Variants in PTPRD observed in about 807,000 individuals in gnomAD.
PTPRD encodes receptor-type tyrosine-protein phosphatase delta.
In PTPRD, 34 loss-of-function variants were observed where a neutral mutation model predicts 214.5. The ratio of observed to expected loss-of-function variants is 0.16; its 90% CI spans 0.12 to 0.21. The LOEUF (loss-of-function observed/expected upper bound fraction) is 0.21, where lower values mean the gene tolerates loss of function less well. Ranked by LOEUF, PTPRD falls within the 10% of genes least tolerant of loss-of-function variation. The pLI, the probability that PTPRD is intolerant of heterozygous loss-of-function variation, is 1.00. For synonymous variants in PTPRD, 1,128 were observed against 845.7 expected (o/e 1.33, Z -5.79); for missense variants, 2,545 against 2,398.7 (o/e 1.06, Z -1.27).
intron 30 of PTPRD, among the ~76,000 whole-genome samples, chr9:8,478,583 C>A (rs1591551173): frequency 6.6e-6 from 1 of 152,044 alleles, no homozygotes; most frequent in South Asian, 2.1e-4. Flanking sequence ...ACAGAAGTTC[C>A]CTATGTCATT....
chr9:9,536,803 G>A (rs922893309), intron 8 of PTPRD, among the ~76,000 whole-genome samples: 5 of 151,920 alleles, frequency 3.3e-5, no homozygotes, highest in Non-Finnish European at 5.9e-5. Context: ...CATTTAACTG[G>A]GAATCTGCTG....
At chr9:9,962,455 C>T (rs574506586) in intron 4 of PTPRD, among the ~76,000 whole-genome samples, 1 of 151,964 alleles carries the variant, frequency 6.6e-6, no homozygotes, top group Non-Finnish European at 1.5e-5. Context: ...ACATATTGAA[C>T]CTTATATAAA....
intron 12 of PTPRD, among the ~76,000 whole-genome samples, chr9:8,666,475 G>T (rs181662528): frequency 6.6e-6 from 1 of 152,190 alleles, no homozygotes; most frequent in Non-Finnish European, 1.5e-5. Flanking sequence ...AATGGAATTC[G>T]TATGGCTTCA....
At chr9:8,830,913 G>A (rs1275282802) in intron 11 of PTPRD, among the ~76,000 whole-genome samples, 1 of 152,014 alleles carries the variant, frequency 6.6e-6, no homozygotes, top group Non-Finnish European at 1.5e-5. Context: ...CCATTATAAG[G>A]CTTAATCAGC....
intron 8 of PTPRD, among the ~76,000 whole-genome samples, chr9:9,555,850 C>G (rs1023699102): frequency 3.3e-5 from 5 of 152,020 alleles, no homozygotes; most frequent in African/African-American, 1.2e-4. Context: ...TTAATAAATG[C>G]AAAACTAACG....
chr9:9,049,595 C>T (rs187694515), intron 10 of PTPRD, among the ~76,000 whole-genome samples: 4 of 152,060 alleles, frequency 2.6e-5, no homozygotes, highest in African/African-American at 4.8e-5. Flanking sequence ...TTTAGCAAAA[C>T]GTTCCGATGT....
chr9:8,882,437 T>C (rs1426665139), intron 11 of PTPRD, among the ~76,000 whole-genome samples: 1 of 152,160 alleles, frequency 6.6e-6, no homozygotes, highest in Non-Finnish European at 1.5e-5. Flanking sequence ...CTTCTGATCC[T>C]CACAAAAGTA....
At position 10,284,560 on chromosome 9, in the gene PTPRD, AAAT is replaced by A. The variant is rs1056446974; in HGVS notation, c.-545+56400_-545+56402del. Among the ~76,000 whole-genome samples the A allele has an allele frequency of 8.3e-4, 127 of 152,346 alleles. 1 individual carries two copies. Among genetic ancestry groups the A allele is most frequent in the African/African-American group, 2.8e-3 (116 of 41,594 alleles). On this transcript the variant is annotated intron_variant, in intron 3 of 45. Transcript: ENST00000381196. ...AAATTACTACAAACTTAGCAGCTTA[AAAT>A]AATACTATGTTATTATCTCATAGTT...
chr9:10,388,885 A>G (rs1351660681), intron 2 of PTPRD, among the ~76,000 whole-genome samples: 1 of 151,890 alleles, frequency 6.6e-6, no homozygotes, highest in Non-Finnish European at 1.5e-5. Context: ...TGTTAGCTCT[A>G]ATAATAACCA....
chr9:10,568,267 T>A (rs1215965949), intron 2 of PTPRD, among the ~76,000 whole-genome samples: 2 of 152,150 alleles, frequency 1.3e-5, no homozygotes, highest in African/African-American at 2.4e-5. Context: ...GTTTCCAGCT[T>A]CATCCATGTC....
At chr9:10,064,018 C>T (rs980066266) in intron 3 of PTPRD, among the ~76,000 whole-genome samples, 1 of 151,174 alleles carries the variant, frequency 6.6e-6, no homozygotes, top group Non-Finnish European at 1.5e-5. Flanking sequence ...CATATATTTT[C>T]TGTTTTTTTT....
chr9:10,032,891 T>C (rs1403582356), intron 4 of PTPRD, among the ~76,000 whole-genome samples: 1 of 151,994 alleles, frequency 6.6e-6, no homozygotes, highest in Non-Finnish European at 1.5e-5. Flanking sequence ...ATTTGCATGA[T>C]TTTATAGCAA....
intron 2 of PTPRD, among the ~76,000 whole-genome samples, chr9:10,346,639 G>C (rs2097089141): frequency 6.6e-6 from 1 of 152,050 alleles, no homozygotes; most frequent in Admixed American, 6.5e-5. Flanking sequence ...CCATTCTAAG[G>C]TCAGTGACCT....
At chr9:10,374,676 A>C (rs1010467850) in intron 2 of PTPRD, among the ~76,000 whole-genome samples, 6 of 152,096 alleles carry the variant, frequency 3.9e-5, no homozygotes, top group African/African-American at 1.4e-4. Flanking sequence ...AGCGTGATGC[A>C]GTTTTCCACA....
chr9:9,825,120 T>C (rs1156554943), intron 5 of PTPRD, among the ~76,000 whole-genome samples: 1 of 152,004 alleles, frequency 6.6e-6, no homozygotes, highest in Non-Finnish European at 1.5e-5. Flanking sequence ...ATGTTATTTA[T>C]TTGATGAAAT....
intron 2 of PTPRD, among the ~76,000 whole-genome samples, chr9:10,565,261 GA>G (rs1296338542): frequency 1.3e-5 from 2 of 151,976 alleles, no homozygotes; most frequent in African/African-American, 4.8e-5. Context: ...TCATAAATTA[GA>G]TTATGAAAAT....
intron 11 of PTPRD, among the ~76,000 whole-genome samples, chr9:8,856,064 A>G (rs191251342): frequency 2.0e-5 from 3 of 152,236 alleles, no homozygotes; most frequent in African/African-American, 2.4e-5. Context: ...GTCTGTTTCC[A>G]TAAGTCAGAC....
rs141584073 is a variant in PTPRD at position 10,284,319 on chromosome 9, T to C, written c.-545+56644A>G. ...GAAAGGTGCATAAGATTAAACACTA[T>C]TGAAGCCAATAGTATTCATATACTC... On this transcript the variant is annotated intron_variant, in intron 3 of 45. Coordinates refer to ENST00000381196, the MANE Select transcript of PTPRD (RefSeq NM_002839.4). Among the ~76,000 whole-genome samples, 491 of 152,292 alleles carry C rather than the reference T, an allele frequency of 3.2e-3. 4 individuals carry two copies. The highest frequency in any genetic ancestry group is 0.011 in the African/African-American group (459 of 41,570).
intron 11 of PTPRD, among the ~76,000 whole-genome samples, chr9:8,829,255 T>C (rs2097236758): frequency 6.6e-6 from 1 of 152,176 alleles, no homozygotes; most frequent in African/African-American, 2.4e-5. Flanking sequence ...CTTGTTCATG[T>C]CCTTATCCAG....
Sources: allele counts gnomAD v4.1 joint callset (sites outside exome capture counted in the v4.1 genomes callset), GRCh38; gene constraint gnomAD v4.1.1; transcripts MANE v1.5; gene names NCBI Gene and HGNC (gene_info 2026-07-23, HGNC 2026-07-21).